HMCN1: variants seen among roughly 807,000 people sequenced by gnomAD.
The protein encoded by HMCN1 is hemicentin-1.
HMCN1 carries 321 observed loss-of-function variants against 625.9 expected under a neutral mutation model. The observed-to-expected ratio is 0.51, with a 90% confidence interval of 0.47 to 0.56. The LOEUF is 0.56. Ranked by LOEUF, HMCN1 falls within the 20% of genes least tolerant of loss-of-function variation. The pLI is 0.00. For missense variants in HMCN1, 6,588 were observed against 6,887.3 expected (o/e 0.96, Z 1.54); for synonymous variants, 2,425 against 2,417.6 (o/e 1.00, Z -0.09).
At chr1:185,951,567 G>T (rs1375779647) in intron 11 of HMCN1, among the ~76,000 whole-genome samples, 1 of 150,920 alleles carries the variant, frequency 6.6e-6, no homozygotes, top group Non-Finnish European at 1.5e-5. Context: ...GTCTTCAGCC[G>T]CTAAGCCGAG....
In HMCN1 at chr1:185,852,914, C is replaced by A. The variant is rs192192996; in HGVS notation, c.339+6818C>A. On this transcript the variant is annotated intron_variant, in intron 2 of 106. Transcript: ENST00000271588. The stretch of plus-strand genomic sequence containing the variant: ...TATACTCACATAAATATTACTATTT[C>A]TTTTTATAAATGAGGAATCTCAAGC... 7.6e-4 allele frequency among the ~76,000 whole-genome samples: 115 copies of A among 152,058 alleles called. 1 individual carries two copies. The highest frequency in any genetic ancestry group is 4.1e-4 in the South Asian group (2 of 4,828).
intron 22 of HMCN1, 61 bp downstream of exon 22, chr1:185,990,504 G>A (rs1483150441): frequency 1.4e-6 from 2 of 1,415,310 alleles, no homozygotes; most frequent in East Asian, 2.3e-5. Flanking sequence ...GGGACAGATG[G>A]CCATGCCTAT....
chr1:185,797,047 G>T (rs1344600618), intron 1 of HMCN1, among the ~76,000 whole-genome samples: 1 of 152,136 alleles, frequency 6.6e-6, no homozygotes, highest in East Asian at 1.9e-4. Flanking sequence ...TCTTACTGGT[G>T]TAAGATGGTA....
chr1:185,962,315 A>G (rs997570321), intron 11 of HMCN1, among the ~76,000 whole-genome samples: 1 of 152,196 alleles, frequency 6.6e-6, no homozygotes, highest in African/African-American at 2.4e-5. Context: ...TCGGGATCAA[A>G]TTCATTTAAC....
rs368008071 is a variant in HMCN1, at chr1:186,000,199, A to G, written c.4029A>G (p.Glu1343=). 1.9e-6 allele frequency: 3 copies of G among 1,613,158 alleles called. No individual in the cohort carries two copies. Among genetic ancestry groups the G allele is most frequent in the Non-Finnish European group, 2.5e-6 (3 of 1,179,396 alleles). Residue 1343 remains glutamate (E), a synonymous_variant, in exon 26 of 107, where the codon GAA becomes GAG. Coordinates refer to ENST00000271588, the MANE Select transcript of HMCN1 (RefSeq NM_031935.3). ...AGTACATCTGTGTGGCAGTCAATGA[A>G]GCTGGAACCACAGAAAGAAAATATA... ...NGEYICVAVN[E]AGTTERKYNL...
intron 35 of HMCN1, 117 bp from the exon 36 acceptor site, chr1:186,022,913 T>C: frequency 9.8e-7 from 1 of 1,023,664 alleles, no homozygotes; most frequent in South Asian, 1.3e-5. Context: ...TATTAAGATA[T>C]TGGCATGAAA....
intron 58 of HMCN1, 148 bp downstream of exon 58, chr1:186,086,555 TTAAGG>T (rs1292504933): frequency 1.3e-6 from 1 of 797,240 alleles, no homozygotes; most frequent in African/African-American, 1.7e-5. Flanking sequence ...TTTGTGGTCA[TTAAGG>T]TAAGATTTTG....
intron 1 of HMCN1, among the ~76,000 whole-genome samples, chr1:185,802,374 T>G (rs960242139): frequency 6.6e-6 from 1 of 151,862 alleles, no homozygotes; most frequent in Non-Finnish European, 1.5e-5. Context: ...TATAAGAGAT[T>G]CTGCGAAAGT....
At chr1:186,108,351 G>T in intron 70 of HMCN1, 110 bp from the exon 71 acceptor site, 1 of 1,505,438 alleles carries the variant, frequency 6.6e-7, no homozygotes, top group Admixed American at 1.7e-5. Flanking sequence ...TAAATTAAAT[G>T]AGTAATGTTT....
chr1:186,007,000 A>T, intron 29 of HMCN1, 128 bp from the exon 30 acceptor site: 1 of 740,356 alleles, frequency 1.4e-6, no homozygotes, highest in Non-Finnish European at 2.3e-6. Flanking sequence ...AGTGCTAATC[A>T]TATCATTTTA....
At position 186,095,509 on chromosome 1, in the gene HMCN1, C is replaced by T; in HGVS notation, c.10561C>T (p.Leu3521Phe). The change falls in exon 68 of 107, where the codon CTC becomes TTC. Residue 3521 changes from leucine to phenylalanine, a missense_variant. Physicochemically the swap from Leu to Phe is conservative, Grantham distance 22 (BLOSUM62 0). This residue lies in a region of HMCN1 where 4,628 missense variants were observed against 4,853.1 expected (regional missense o/e 0.95). Coordinates refer to ENST00000271588, the MANE Select transcript of HMCN1 (RefSeq NM_031935.3). ...EAGEVSKHFI[L>F]KVLEPPHING... ...TGGAGAAGTCAGCAAGCACTTTATC[C>T]TCAAGGTCCTAGGTATGTAAACATT... The T allele has an allele frequency of 1.2e-6, 2 of 1,613,480 alleles. No individual in the cohort carries two copies. The highest frequency in any genetic ancestry group is 8.5e-7 in the Non-Finnish European group (1 of 1,179,642).
chr1:185,819,686 C>A (rs1381185543), intron 1 of HMCN1, among the ~76,000 whole-genome samples: 1 of 152,072 alleles, frequency 6.6e-6, no homozygotes. Context: ...TTAAAAAAGT[C>A]ATCATTTGTT....
chr1:185,939,245 T>C (rs1271080998), intron 11 of HMCN1, among the ~76,000 whole-genome samples: 3 of 152,182 alleles, frequency 2.0e-5, no homozygotes, highest in Non-Finnish European at 4.4e-5. Flanking sequence ...GCCACACTGA[T>C]GAGCATGTGA....
In HMCN1 at chr1:186,086,289, C is replaced by G; in HGVS notation, c.8928C>G (p.Val2976=). Reference sequence around the variant, plus strand: ...GTCCTAAATCTGAAAATCTTACCGTCGTGGTGAACAATTTCATCTCTTTGA... The same window carrying G: ...GTCCTAAATCTGAAAATCTTACCGTGGTGGTGAACAATTTCATCTCTTTGA... ...VIGPKSENLT[V]VVNNFISLTC... The change falls in exon 58 of 107, where the codon GTC becomes GTG. Residue 2976 remains valine, a synonymous_variant. Transcript: ENST00000271588. 3 of 1,613,056 alleles carry G rather than the reference C, an allele frequency of 1.9e-6. No homozygotes were observed. Among genetic ancestry groups the G allele is most frequent in the Non-Finnish European group, 1.7e-6 (2 of 1,179,308 alleles).
At chr1:185,780,604 A>T (rs1381777548) in intron 1 of HMCN1, among the ~76,000 whole-genome samples, 2 of 152,206 alleles carry the variant, frequency 1.3e-5, no homozygotes, top group Non-Finnish European at 2.9e-5. Context: ...TATTGAGATA[A>T]TCATGTGGTT....
At chr1:185,928,429 A>G (rs1288630989) in intron 9 of HMCN1, 117 bp from the exon 10 acceptor site, 1 of 856,200 alleles carries the variant, frequency 1.2e-6, no homozygotes, top group Non-Finnish European at 1.9e-6. Flanking sequence ...CAGTTTTATC[A>G]ATTTATTTTC....
chr1:186,010,067 C>A (rs893387341), intron 30 of HMCN1, among the ~76,000 whole-genome samples: 3 of 152,144 alleles, frequency 2.0e-5, no homozygotes, highest in Non-Finnish European at 4.4e-5. Context: ...TCCGTCACCT[C>A]CTGCTGTAGG....
At chr1:186,064,372 T>A (rs182488218) in intron 48 of HMCN1, among the ~76,000 whole-genome samples, 4 of 152,242 alleles carry the variant, frequency 2.6e-5, no homozygotes, top group Admixed American at 2.0e-4. Flanking sequence ...AATTAATATA[T>A]TTTTATCTCT....
At chr1:186,065,152 A>G (rs2102324991) in intron 48 of HMCN1, 86 bp from the exon 49 acceptor site, 1 of 1,034,094 alleles carries the variant, frequency 9.7e-7, no homozygotes, top group South Asian at 1.3e-5. Context: ...ATGTAGGAAG[A>G]CAAATGAGTG....
Sources: allele counts gnomAD v4.1 joint callset (sites outside exome capture counted in the v4.1 genomes callset), GRCh38; gene constraint gnomAD v4.1.1; regional missense constraint gnomAD v4.1.1; transcripts MANE v1.5; gene names NCBI Gene and HGNC (gene_info 2026-07-23, HGNC 2026-07-21).